The following RNF24 variants were observed in gnomAD, a reference collection of about 807,000 sequenced individuals.
The protein encoded by RNF24 is ring finger protein 24.
A neutral mutation model predicts 20.0 loss-of-function variants in RNF24; 14 were observed. That is an observed-to-expected ratio of 0.70 (90% CI 0.46 to 1.10). The LOEUF (loss-of-function observed/expected upper bound fraction) is 1.10, where lower values mean the gene tolerates loss of function less well. RNF24 is among the 50% of genes least tolerant of loss of function. The pLI is 0.00. For synonymous variants in RNF24, 45 were observed against 61.1 expected, an observed-to-expected ratio of 0.74 and a Z score of 1.23; for missense variants, 124 against 177.6, an observed-to-expected ratio of 0.70 and a Z score of 1.71.
At chr20:3,935,816 A>C (rs1336027553) in intron 4 of RNF24, among the ~76,000 whole-genome samples, 1 of 152,226 alleles carries the variant, frequency 6.6e-6, no homozygotes, top group Non-Finnish European at 1.5e-5. Context: ...GAGGAAACAG[A>C]AGCTCAGGAA....
rs1795543354 is a variant in RNF24, at chr20:4,006,353, A to G, written c.-8+9084T>C. On this transcript the variant is annotated intron_variant, in intron 1 of 5. Transcript: ENST00000358395. ...CACTGCACTCCAGCCTGGGTGACAG[A>G]GCAAGTCTCTGTCTCAAAAAAAAAA... Among the ~76,000 whole-genome samples, 5 of 147,154 alleles carry G rather than the reference A, an allele frequency of 3.4e-5. No homozygotes were observed. In the South Asian group the frequency reaches 1.1e-3, roughly 33 times the overall value.
chr20:3,976,924 A>G (rs1978914808), intron 1 of RNF24, among the ~76,000 whole-genome samples: 1 of 152,206 alleles, frequency 6.6e-6, no homozygotes, highest in African/African-American at 2.4e-5. Context: ...CATTACAGGA[A>G]ATTGTGAAAA....
chr20:3,939,441 A>C (rs533612899), intron 4 of RNF24, among the ~76,000 whole-genome samples: 5 of 152,336 alleles, frequency 3.3e-5, no homozygotes, highest in Admixed American at 3.3e-4. Flanking sequence ...AGCACCACTG[A>C]TTGAAAAGAC....
rs756076442 is a variant in RNF24 at position 3,934,253 on chromosome 20, C to T, written c.309-52G>A. On this transcript the variant is annotated intron_variant, in intron 5 of 5. Coordinates refer to ENST00000358395, the MANE Select transcript of RNF24 (RefSeq NM_001134337.3). This position sits in a 1 kb window ranked among gnomAD's most constrained non-coding sequence, Gnocchi z 4.0. ...AGATGTCAGTCCTATGCTCATGGCA[C>T]GGCTGTTCTGCTGAACATCTCCATA... is the stretch of plus-strand genomic sequence containing the variant. 23 of 1,559,326 alleles carry T rather than the reference C, an allele frequency of 1.5e-5. No homozygotes were observed. The highest frequency in any genetic ancestry group is 8.3e-5 in the African/African-American group (6 of 72,010).
At chr20:3,948,641 C>T (rs183712397) in intron 2 of RNF24, among the ~76,000 whole-genome samples, 95 of 148,772 alleles carry the variant, frequency 6.4e-4, no homozygotes, top group African/African-American at 2.2e-3. Flanking sequence ...AATGTACATA[C>T]CAGGATAACT....
rs183837894 is a variant in RNF24 at position 3,976,123 on chromosome 20, T to C, written c.-7-12099A>G. Among the ~76,000 whole-genome samples, 11 of 152,278 alleles carry C rather than the reference T, an allele frequency of 7.2e-5. No homozygotes were observed. The South Asian group carries it at 1.7e-3, about 23-fold the overall frequency. ...GATTTCAGACTTCTAAACCCCAGAA[T>C]TGTGAGACAATAGATTTTCTGTTGT... On this transcript the variant is annotated intron_variant, in intron 1 of 5. Coordinates refer to ENST00000358395, the MANE Select transcript of RNF24 (RefSeq NM_001134337.3).
At chr20:3,972,042 CAG>C (rs1251092127) in intron 1 of RNF24, among the ~76,000 whole-genome samples, 4 of 151,934 alleles carry the variant, frequency 2.6e-5, no homozygotes, top group Non-Finnish European at 2.9e-5. Flanking sequence ...ATAAAATTAC[CAG>C]AGAGAGAAAG....
chr20:3,980,449 T>C (rs1019059009), intron 1 of RNF24, among the ~76,000 whole-genome samples: 9 of 152,194 alleles, frequency 5.9e-5, no homozygotes, highest in Admixed American at 5.2e-4. Flanking sequence ...CTGGGTGAGA[T>C]GCAGTGAGCA....
intron 3 of RNF24, 62 bp downstream of exon 3, chr20:3,948,175 A>G: frequency 8.3e-7 from 1 of 1,208,880 alleles, no homozygotes; most frequent in Non-Finnish European, 1.2e-6. Context: ...AGTGGAAATC[A>G]GAGTTCTCAG....
chr20:3,985,735 G>A (rs1009393867), intron 1 of RNF24, among the ~76,000 whole-genome samples: 1 of 141,872 alleles, frequency 7.0e-6, no homozygotes, highest in African/African-American at 2.7e-5. Context: ...ATGCAGTTTC[G>A]GTCTTGTTGC....
At chr20:3,962,133 GCTTGAACT>G (rs1420960060) in intron 2 of RNF24, among the ~76,000 whole-genome samples, 2 of 152,150 alleles carry the variant, frequency 1.3e-5, no homozygotes, top group East Asian at 3.9e-4. Flanking sequence ...CGGGTGGATT[GCTTGAACT>G]CAGGAGTTTC....
rs1184958693 is a variant in RNF24, at chr20:4,003,510, G to C, written c.-8+11927C>G. Among the ~76,000 whole-genome samples, 4 of 152,012 alleles carry C rather than the reference G, an allele frequency of 2.6e-5. No individual in the cohort carries two copies. In the South Asian group the frequency reaches 8.3e-4, roughly 32 times the overall value. ...AGCATAAAACATTTCATTTCTAATA[G>C]AGCAGTAGTTCTTAACTTTTTCTTA... is the stretch of plus-strand genomic sequence containing the variant. On this transcript the variant is annotated intron_variant, in intron 1 of 5. Transcript: ENST00000358395.
At chr20:3,994,572 T>G (rs1417558736) in intron 1 of RNF24, among the ~76,000 whole-genome samples, 2 of 152,240 alleles carry the variant, frequency 1.3e-5, no homozygotes, top group Non-Finnish European at 2.9e-5. Context: ...CTCTACATAG[T>G]GATCTCCTTT....
intron 1 of RNF24, among the ~76,000 whole-genome samples, chr20:4,006,969 C>T (rs1981922692): frequency 6.6e-6 from 1 of 152,234 alleles, no homozygotes; most frequent in Admixed American, 6.5e-5. Context: ...CCTTTCAAAC[C>T]ATCTGGCATT....
At chr20:3,998,574 CAAAAAAAAAAAAA>C (rs34012774) in intron 1 of RNF24, among the ~76,000 whole-genome samples, 504 of 31,384 alleles carry the variant, frequency 0.016, 11 homozygotes, top group African/African-American at 0.07. Flanking sequence ...GACTCTATCT[CAAAAAAAAAAAAA>C]AAAAAAAAAA....
At chr20:3,966,208 TA>T (rs548480519) in intron 1 of RNF24, among the ~76,000 whole-genome samples, 1,518 of 134,100 alleles carry the variant, frequency 0.011, 16 homozygotes, top group African/African-American at 0.041. Flanking sequence ...TAAGAGGAAA[TA>T]GGCAAGTGAC....
At chr20:3,962,506 G>GA (rs1403468051) in intron 2 of RNF24, among the ~76,000 whole-genome samples, 1 of 151,746 alleles carries the variant, frequency 6.6e-6, no homozygotes, top group Non-Finnish European at 1.5e-5. Flanking sequence ...TTCCACTAAG[G>GA]AAGGTGCTTG....
intron 1 of RNF24, among the ~76,000 whole-genome samples, chr20:3,966,687 C>A (rs756613544): frequency 1.1e-4 from 17 of 152,142 alleles, no homozygotes; most frequent in Non-Finnish European, 1.8e-4. Flanking sequence ...GATGCAGGAA[C>A]TAGAAACCAT....
intron 1 of RNF24, among the ~76,000 whole-genome samples, chr20:4,000,916 G>A (rs927649128): frequency 1.3e-5 from 2 of 152,132 alleles, no homozygotes; most frequent in Non-Finnish European, 2.9e-5. Flanking sequence ...ACGCTTTTCT[G>A]TATATCACCC....
Sources: allele counts gnomAD v4.1 joint callset (sites outside exome capture counted in the v4.1 genomes callset), GRCh38; gene constraint gnomAD v4.1.1; non-coding constraint Gnocchi (gnomAD v3.1); transcripts MANE v1.5; gene names NCBI Gene and HGNC (gene_info 2026-07-23, HGNC 2026-07-21).